SLAIN1: variants seen among roughly 807,000 people sequenced by gnomAD.
SLAIN1 encodes SLAIN family member 1.
SLAIN1 carries 17 observed loss-of-function variants against 55.4 expected under a neutral mutation model. The ratio of observed to expected loss-of-function variants is 0.31; its 90% CI spans 0.21 to 0.46. The LOEUF (loss-of-function observed/expected upper bound fraction) is 0.46. SLAIN1 is among the 20% of genes least tolerant of loss of function. The pLI is 1.00. For synonymous variants in SLAIN1, 348 were observed against 337.4 expected, an observed-to-expected ratio of 1.03 and a Z score of -0.35; for missense variants, 682 against 785.1, an observed-to-expected ratio of 0.87 and a Z score of 1.57.
chr13:77,734,564 A>G lies in SLAIN1; in HGVS notation c.767-9719A>G, dbSNP rs553301249. ...GCTTCTGAGTTGGTAACAACTGAGC[A>G]AAGACTAAGTCGCCATAGTTGTCTA... On this transcript the variant is annotated intron_variant, in intron 2 of 6. Coordinates refer to ENST00000418532, the MANE Select transcript of SLAIN1 (RefSeq NM_001242868.2). Among the ~76,000 whole-genome samples the G allele has an allele frequency of 6.6e-5, 10 of 152,296 alleles. No individual in the cohort carries two copies. In the East Asian group the frequency reaches 1.2e-3, roughly 18 times the overall value.
At chr13:77,762,009 A>G (rs1875067579) in intron 6 of SLAIN1, among the ~76,000 whole-genome samples, 1 of 152,218 alleles carries the variant, frequency 6.6e-6, no homozygotes, top group Non-Finnish European at 1.5e-5. Flanking sequence ...GCATTTATGG[A>G]TATATAAATA....
At chr13:77,713,673 A>G (rs1016053572) in intron 1 of SLAIN1, among the ~76,000 whole-genome samples, 2 of 152,204 alleles carry the variant, frequency 1.3e-5, no homozygotes, top group Non-Finnish European at 2.9e-5. Context: ...ATTACTGGGT[A>G]TATACCCAAA....
Position 77,698,420 on chromosome 13 carries a change from G to C in SLAIN1, c.507G>C (p.Ala169=). The change falls in exon 1 of 7, where the codon GCG becomes GCC. Residue 169 remains alanine (A), a synonymous_variant. Transcript: ENST00000418532. This position sits in a 1 kb window ranked among gnomAD's most constrained non-coding sequence, Gnocchi z 4.1. ...GTGGCGGGCCGGAGCCGGGGGGCGC[G>C]GGGACGCCGCCAGGGGCAGCTGCAG... is the stretch of plus-strand genomic sequence containing the variant. The part of the protein sequence containing the change: ...AGGGGPEPGG[A]GTPPGAAAAP... 7.2e-7 allele frequency: 1 copy of C among 1,393,742 alleles called. No homozygotes were observed. The highest frequency in any genetic ancestry group is 9.3e-7 in the Non-Finnish European group (1 of 1,079,206). 86.3% of individuals were successfully genotyped at this position (1,393,742 alleles called of 1,614,324 possible).
intron 2 of SLAIN1, among the ~76,000 whole-genome samples, chr13:77,738,291 A>G (rs368094095): frequency 1.1e-4 from 16 of 151,798 alleles, no homozygotes; most frequent in African/African-American, 3.9e-4. Flanking sequence ...TCTCAGGTAC[A>G]CGGCATTACT....
chr13:77,739,635 TG>T (rs1286384230), intron 2 of SLAIN1, among the ~76,000 whole-genome samples: 4 of 152,138 alleles, frequency 2.6e-5, no homozygotes, highest in Non-Finnish European at 5.9e-5. Context: ...TTGAATACTT[TG>T]AGTCTAAGCA....
chr13:77,747,304 C>T (rs1319034870), intron 4 of SLAIN1, among the ~76,000 whole-genome samples: 1 of 152,060 alleles, frequency 6.6e-6, no homozygotes, highest in East Asian at 1.9e-4. Flanking sequence ...ATCCTCCAGA[C>T]CTTCTCAGTT....
chr13:77,758,393 A>G (rs528918997), intron 5 of SLAIN1, among the ~76,000 whole-genome samples: 6 of 151,804 alleles, frequency 4.0e-5, no homozygotes, highest in Non-Finnish European at 5.9e-5. Flanking sequence ...TTACTCACTG[A>G]TTATTTATTT....
chr13:77,742,592 GTTAATA>G (rs148438201), intron 2 of SLAIN1, among the ~76,000 whole-genome samples: 1,773 of 152,000 alleles, frequency 0.012, 25 homozygotes, highest in African/African-American at 0.039. Flanking sequence ...ATTACATATA[GTTAATA>G]TTAAGAACAT....
intron 2 of SLAIN1, among the ~76,000 whole-genome samples, chr13:77,722,898 AAC>A (rs2091275291): frequency 6.6e-6 from 1 of 151,978 alleles, no homozygotes; most frequent in African/African-American, 2.4e-5. Flanking sequence ...AGGTACACGC[AAC>A]CACGCCTGGC....
At chr13:77,699,622 C>T (rs971926523) in intron 1 of SLAIN1, among the ~76,000 whole-genome samples, 3 of 152,142 alleles carry the variant, frequency 2.0e-5, no homozygotes, top group African/African-American at 7.2e-5. Context: ...TGCAGTGTTC[C>T]TTTTCCCTTA....
At chr13:77,712,721 T>C (rs1245557467) in intron 1 of SLAIN1, among the ~76,000 whole-genome samples, 2 of 152,196 alleles carry the variant, frequency 1.3e-5, no homozygotes, top group African/African-American at 4.8e-5. Context: ...TCAAATTTCA[T>C]ATGGAACCAA....
chr13:77,713,860 A>G (rs2091178474), intron 1 of SLAIN1, among the ~76,000 whole-genome samples: 1 of 152,192 alleles, frequency 6.6e-6, no homozygotes, highest in Admixed American at 6.5e-5. Context: ...GGATGAGTTC[A>G]TGTCCTTTGC....
intron 6 of SLAIN1, 38 bp downstream of exon 6, chr13:77,761,148 G>A (rs1252116914): frequency 1.9e-6 from 3 of 1,601,286 alleles, no homozygotes; most frequent in Non-Finnish European, 2.6e-6. Flanking sequence ...TTTGCAGTTT[G>A]GAACTAGAAA....
At chr13:77,712,484 A>G (rs2091162354) in intron 1 of SLAIN1, among the ~76,000 whole-genome samples, 1 of 152,228 alleles carries the variant, frequency 6.6e-6, no homozygotes, top group African/African-American at 2.4e-5. Context: ...AGAATAAAAT[A>G]TCTAGAAATA....
intron 2 of SLAIN1, among the ~76,000 whole-genome samples, chr13:77,740,715 A>T (rs1290221452): frequency 6.6e-6 from 1 of 151,992 alleles, no homozygotes; most frequent in Non-Finnish European, 1.5e-5. Flanking sequence ...CCAAAAATCC[A>T]CTGAGATAAT....
At position 77,746,743 on chromosome 13, in the gene SLAIN1, G is replaced by A. The variant is rs144934253; in HGVS notation, c.1146G>A (p.Glu382=). Residue 382 remains glutamate (E), a synonymous_variant, in exon 4 of 7, where the codon GAG becomes GAA. Transcript: ENST00000418532. ...CACAGACTTTCTCCAGCATTCGGGA[G>A]TGTAGGAGGAGCCCCAGTTCCCAGT... ...PHSQTFSSIR[E]CRRSPSSQYF... 1.9e-6 allele frequency: 3 copies of A among 1,613,728 alleles called. No homozygotes were observed. Among genetic ancestry groups the A allele is most frequent in the African/African-American group, 1.3e-5 (1 of 74,894 alleles).
intron 4 of SLAIN1, among the ~76,000 whole-genome samples, chr13:77,747,251 G>A (rs549386105): frequency 6.6e-6 from 1 of 151,540 alleles, no homozygotes; most frequent in East Asian, 1.9e-4. Context: ...ATGGTTTTAA[G>A]AGAAATATAG....
intron 4 of SLAIN1, among the ~76,000 whole-genome samples, chr13:77,747,358 G>C (rs1008431192): frequency 6.6e-6 from 1 of 152,078 alleles, no homozygotes; most frequent in Non-Finnish European, 1.5e-5. Flanking sequence ...CTGATTACGT[G>C]TCCCAGATTT....
At chr13:77,700,533 TTTA>T (rs1416989210) in intron 1 of SLAIN1, among the ~76,000 whole-genome samples, 1 of 152,210 alleles carries the variant, frequency 6.6e-6, no homozygotes, top group Non-Finnish European at 1.5e-5. Context: ...TTTACATAAT[TTTA>T]TTATTACATT....
Sources: allele counts gnomAD v4.1 joint callset (sites outside exome capture counted in the v4.1 genomes callset), GRCh38; gene constraint gnomAD v4.1.1; non-coding constraint Gnocchi (gnomAD v3.1); transcripts MANE v1.5; gene names NCBI Gene and HGNC (gene_info 2026-07-23, HGNC 2026-07-21).